The following MORC1 variants were observed in gnomAD, a reference collection of about 807,000 sequenced individuals.
MORC1 encodes the protein MORC family CW-type zinc finger 1.
A neutral mutation model predicts 134.9 loss-of-function variants in MORC1; 59 were observed. The observed-to-expected ratio is 0.44, with a 90% confidence interval of 0.35 to 0.54. The LOEUF is 0.54. Ranked by LOEUF, MORC1 falls within the 20% of genes least tolerant of loss-of-function variation. The pLI, the probability that MORC1 is intolerant of heterozygous loss-of-function variation, is 0.00. For missense variants in MORC1, 947 were observed against 1,134.5 expected (o/e 0.83, Z 2.37); for synonymous variants, 395 against 391.7 (o/e 1.01, Z -0.10).
At chr3:108,995,287 A>G (rs1339764832) in intron 21 of MORC1, among the ~76,000 whole-genome samples, 1 of 152,212 alleles carries the variant, frequency 6.6e-6, no homozygotes, top group Non-Finnish European at 1.5e-5. Flanking sequence ...AAAGGCTAGC[A>G]TACCTATAAA....
chr3:108,974,182 T>G (rs193109355), intron 24 of MORC1, among the ~76,000 whole-genome samples: 7 of 152,268 alleles, frequency 4.6e-5, no homozygotes, highest in Admixed American at 3.9e-4. Flanking sequence ...GATTCTGGTC[T>G]GTAAGACTGA....
chr3:108,968,511 C>G (rs910379373), intron 26 of MORC1, among the ~76,000 whole-genome samples: 1 of 152,190 alleles, frequency 6.6e-6, no homozygotes, highest in Non-Finnish European at 1.5e-5. Flanking sequence ...TTCTTTTTCA[C>G]TTATAAAACA....
chr3:109,053,445 TA>T (rs2107665467), intron 14 of MORC1, among the ~76,000 whole-genome samples: 1 of 151,666 alleles, frequency 6.6e-6, no homozygotes, highest in African/African-American at 2.4e-5. Flanking sequence ...TACACAGCCA[TA>T]AAAAAGAATG....
chr3:109,010,126 T>TTC (rs148889983), intron 17 of MORC1, among the ~76,000 whole-genome samples: 2 of 152,080 alleles, frequency 1.3e-5, no homozygotes, highest in East Asian at 1.9e-4. Context: ...GTGTATTCTT[T>TTC]TCTCTCTCTC....
intron 18 of MORC1, 51 bp from the exon 19 acceptor site, chr3:109,005,366 AATT>A: frequency 6.8e-7 from 1 of 1,474,118 alleles, no homozygotes; most frequent in Non-Finnish European, 9.1e-7. Flanking sequence ...GCCTATTTAT[AATT>A]AATCACCACT....
At chr3:109,060,859 T>G (rs908875365) in intron 11 of MORC1, among the ~76,000 whole-genome samples, 1 of 152,144 alleles carries the variant, frequency 6.6e-6, no homozygotes, top group African/African-American at 2.4e-5. Context: ...TCCTGACCCA[T>G]TAGTCTTTTT....
At chr3:109,091,609 G>A (rs931304736) in intron 8 of MORC1, among the ~76,000 whole-genome samples, 7 of 152,034 alleles carry the variant, frequency 4.6e-5, no homozygotes, top group South Asian at 2.1e-4. Context: ...TGCTACCCCC[G>A]AGGAGGTGGT....
At chr3:109,051,935 CTAAG>C (rs1195915023) in intron 14 of MORC1, among the ~76,000 whole-genome samples, 1 of 152,034 alleles carries the variant, frequency 6.6e-6, no homozygotes, top group Non-Finnish European at 1.5e-5. Flanking sequence ...TATGACTCTC[CTAAG>C]TGTGACCTAG....
intron 18 of MORC1, among the ~76,000 whole-genome samples, 182 bp downstream of exon 18, chr3:109,006,847 C>T (rs2044586): frequency 0.91 from 138,786 of 152,212 alleles, 64,190 homozygotes; most frequent in East Asian, 1. Context: ...TTATATTTTA[C>T]TTTCTAACTT....
chr3:109,033,533 C>T (rs1444541747), intron 15 of MORC1, among the ~76,000 whole-genome samples: 1 of 152,156 alleles, frequency 6.6e-6, no homozygotes, highest in Non-Finnish European at 1.5e-5. Context: ...CCTCCAGACA[C>T]ACTGCTAACG....
intron 8 of MORC1, among the ~76,000 whole-genome samples, chr3:109,090,885 T>C (rs1370563992): frequency 6.6e-6 from 1 of 151,846 alleles, no homozygotes; most frequent in Admixed American, 6.6e-5. Flanking sequence ...GATACAATAA[T>C]CACCAGGAAA....
intron 17 of MORC1, among the ~76,000 whole-genome samples, chr3:109,009,500 G>C (rs1383189613): frequency 6.6e-6 from 1 of 152,118 alleles, no homozygotes. Context: ...CACCACGCCT[G>C]GCCCTTTCCT....
chr3:108,999,731 G>A (rs16855174), intron 21 of MORC1, among the ~76,000 whole-genome samples: 4,553 of 152,070 alleles, frequency 0.03, 210 homozygotes, highest in African/African-American at 0.1. Context: ...ACTCTTACGC[G>A]GGTTAAAGTT....
At chr3:109,116,606 AC>A (rs1249776244) in intron 1 of MORC1, among the ~76,000 whole-genome samples, 1 of 152,094 alleles carries the variant, frequency 6.6e-6, no homozygotes, top group Non-Finnish European at 1.5e-5. Context: ...CCCCATCTCT[AC>A]TAAAAATTTT....
intron 23 of MORC1, among the ~76,000 whole-genome samples, chr3:108,980,818 G>C (rs1167193246): frequency 6.6e-6 from 1 of 152,182 alleles, no homozygotes; most frequent in African/African-American, 2.4e-5. Flanking sequence ...TCTGGAAGAG[G>C]AAGAAGAATG....
At chr3:108,969,806 G>A in intron 25 of MORC1, 84 bp from the exon 26 acceptor site, 1 of 1,356,040 alleles carries the variant, frequency 7.4e-7, no homozygotes, top group Non-Finnish European at 1.0e-6. Context: ...CACAAGCATT[G>A]AGTATAAAAA....
rs529266650 is a variant in MORC1 at position 109,069,472 on chromosome 3, C to T, written c.815+160G>A. Among the ~76,000 whole-genome samples the T allele has an allele frequency of 3.9e-5, 6 of 152,274 alleles. No homozygotes were observed. In the South Asian group the frequency reaches 6.2e-4, roughly 16 times the overall value. ...TTACTGCCAAATATTTGTTCACATC[C>T]AATTACTCTTTAGCATCCCTTCCTG... On this transcript the variant is annotated intron_variant, in intron 9 of 27. Coordinates refer to ENST00000232603, the MANE Select transcript of MORC1 (RefSeq NM_014429.4).
At chr3:109,080,640 A>G (rs1950504432) in intron 8 of MORC1, among the ~76,000 whole-genome samples, 1 of 152,226 alleles carries the variant, frequency 6.6e-6, no homozygotes, top group Admixed American at 6.5e-5. Context: ...CCATTTAATT[A>G]TAAATTCAAG....
Position 109,027,232 on chromosome 3 carries a change from C to G in MORC1, c.1704+519G>C, listed in dbSNP as rs1470394702. ...TTTTTCTACATGCCACATTTTCTTA[C>G]ACTCGAAATTGTCATGGTTACCTAT... On this transcript the variant is annotated intron_variant, in intron 17 of 27. Coordinates refer to ENST00000232603, the MANE Select transcript of MORC1 (RefSeq NM_014429.4). 3.3e-5 allele frequency among the ~76,000 whole-genome samples: 5 copies of G among 152,314 alleles called. No homozygotes were observed. In the South Asian group the frequency reaches 1.0e-3, roughly 32 times the overall value.
Sources: allele counts gnomAD v4.1 joint callset (sites outside exome capture counted in the v4.1 genomes callset), GRCh38; gene constraint gnomAD v4.1.1; transcripts MANE v1.5; gene names NCBI Gene and HGNC (gene_info 2026-07-23, HGNC 2026-07-21).